Variants in SIK3 observed in about 807,000 individuals in gnomAD.
SIK3 encodes the protein serine/threonine-protein kinase SIK3.
In SIK3, 28 loss-of-function variants were observed where a neutral mutation model predicts 144.2. That is an observed-to-expected ratio of 0.19 (90% confidence interval 0.14 to 0.27). SIK3 has a LOEUF of 0.27. SIK3 is among the 10% of genes least tolerant of loss of function. The pLI is 1.00. For synonymous variants in SIK3, 686 were observed against 676.3 expected, an observed-to-expected ratio of 1.01 and a Z score of -0.22; for missense variants, 1,319 against 1,776.0, an observed-to-expected ratio of 0.74 and a Z score of 4.62.
chr11:116,854,547 G>C (rs969978647), intron 21 of SIK3, among the ~76,000 whole-genome samples: 2 of 152,136 alleles, frequency 1.3e-5, no homozygotes, highest in Non-Finnish European at 1.5e-5. Context: ...CTGAGGACAG[G>C]TTATCCTTTC....
chr11:116,875,446 C>T lies in SIK3; in HGVS notation c.1245G>A (p.Glu415=), dbSNP rs1944200834. 3 of 1,614,138 alleles carry T rather than the reference C, an allele frequency of 1.9e-6. No individual in the cohort carries two copies. The highest frequency in any genetic ancestry group is 8.5e-7 in the Non-Finnish European group (1 of 1,180,010). ...TGATGTTCATAGCAGTACCTGCCTG[C>T]TCCGCCTGGAAAGCAGTACATACAT... ...AFQAPVNIQA[E]QAGTAMNISV... is the part of the protein sequence containing the mutation. Residue 415 remains glutamate (E), a synonymous_variant, in exon 10 of 25, where the codon GAG becomes GAA. Coordinates refer to ENST00000445177, the MANE Select transcript of SIK3 (RefSeq NM_001366686.3).
intron 3 of SIK3, among the ~76,000 whole-genome samples, chr11:116,947,126 T>A (rs1215607949): frequency 1.4e-5 from 2 of 141,238 alleles, no homozygotes; most frequent in South Asian, 2.1e-4. Context: ...AATATATATA[T>A]AATATATAAA....
intron 14 of SIK3, among the ~76,000 whole-genome samples, chr11:116,868,515 C>G (rs1240401317): frequency 6.6e-6 from 1 of 152,210 alleles, no homozygotes; most frequent in African/African-American, 2.4e-5. Flanking sequence ...CAGAAGGACT[C>G]TGTGCATGTC....
chr11:116,890,698 T>C (rs1945053450), intron 6 of SIK3, among the ~76,000 whole-genome samples: 1 of 152,214 alleles, frequency 6.6e-6, no homozygotes, highest in Non-Finnish European at 1.5e-5. Context: ...CTTATTTCTA[T>C]CCAATCTAAT....
At chr11:116,970,533 G>A (rs1223124674) in intron 1 of SIK3, among the ~76,000 whole-genome samples, 1 of 151,878 alleles carries the variant, frequency 6.6e-6, no homozygotes, top group Non-Finnish European at 1.5e-5. Flanking sequence ...ACTTATTTTT[G>A]TAAAGATGAG....
intron 1 of SIK3, among the ~76,000 whole-genome samples, chr11:116,985,993 C>T (rs12274773): frequency 0.072 from 10,987 of 152,242 alleles, 491 homozygotes; most frequent in Middle Eastern, 0.11. Flanking sequence ...TGGGTTTCTA[C>T]TGGGCTGTGG....
At chr11:117,079,372 G>C (rs1954686091) in intron 1 of SIK3, among the ~76,000 whole-genome samples, 1 of 152,194 alleles carries the variant, frequency 6.6e-6, no homozygotes, top group Non-Finnish European at 1.5e-5. Flanking sequence ...GCAATTAATT[G>C]TGTCAGGAGA....
chr11:117,029,660 T>C (rs1952171731), intron 1 of SIK3, among the ~76,000 whole-genome samples: 1 of 152,002 alleles, frequency 6.6e-6, no homozygotes, highest in African/African-American at 2.4e-5. Context: ...AATGTAATGA[T>C]TGACCAGTGG....
rs34155083 is a variant in SIK3, at chr11:116,914,206, A to ATT, written c.616+13011_616+13012dup. Among the ~76,000 whole-genome samples, 160 of 133,980 alleles carry ATT rather than the reference A, an allele frequency of 1.2e-3. 1 individual carries two copies. The highest frequency in any genetic ancestry group is 8.0e-3 in the Middle Eastern group (2 of 250). The allele number at this position is 133,980 out of a possible 152,430, so 87.9% of individuals were successfully genotyped here. ...TGGGAATAAAGTACTCCCCTTCTCA[A>ATT]TTTTTTTTTTTTTTTTTTTTGAGAT... On this transcript the variant is annotated intron_variant, in intron 4 of 24. Transcript: ENST00000445177.
chr11:116,847,319 A>G (rs989730770), intron 23 of SIK3, among the ~76,000 whole-genome samples, 157 bp downstream of exon 23: 3 of 152,180 alleles, frequency 2.0e-5, no homozygotes, highest in Non-Finnish European at 4.4e-5. Context: ...ACACTCAGGG[A>G]AGACCAGTGG....
intron 1 of SIK3, among the ~76,000 whole-genome samples, chr11:117,095,192 TAAAAAAAAAAAA>T (rs3057848): frequency 2.5e-5 from 3 of 122,176 alleles, no homozygotes; most frequent in Non-Finnish European, 5.1e-5. Context: ...CATGTGTGTT[TAAAAAAAAAAAA>T]AAAAAAAAAA....
chr11:116,959,020 A>C (rs1455677419), intron 1 of SIK3, among the ~76,000 whole-genome samples: 1 of 152,182 alleles, frequency 6.6e-6, no homozygotes, highest in Non-Finnish European at 1.5e-5. Flanking sequence ...CATAAATATA[A>C]CAAGCTTAGA....
intron 4 of SIK3, among the ~76,000 whole-genome samples, chr11:116,907,438 G>C (rs1233332052): frequency 1.3e-5 from 2 of 152,210 alleles, no homozygotes; most frequent in Non-Finnish European, 2.9e-5. Flanking sequence ...CTTGAGGTCA[G>C]GAGTTTAAGA....
chr11:116,880,844 C>T (rs1944506086), intron 6 of SIK3, among the ~76,000 whole-genome samples: 1 of 152,170 alleles, frequency 6.6e-6, no homozygotes. Flanking sequence ...TCCCTGTTGG[C>T]CAGGCATGGT....
chr11:117,069,427 C>T (rs998808540), intron 1 of SIK3, among the ~76,000 whole-genome samples: 6 of 152,046 alleles, frequency 3.9e-5, no homozygotes, highest in Admixed American at 1.3e-4. Context: ...TTTTTGTCTG[C>T]AATATGACCA....
At chr11:117,024,207 T>C (rs970332755) in intron 1 of SIK3, among the ~76,000 whole-genome samples, 3 of 152,070 alleles carry the variant, frequency 2.0e-5, no homozygotes, top group Non-Finnish European at 4.4e-5. Context: ...CCATACATGT[T>C]AATAAAAATG....
Position 116,849,373 on chromosome 11 carries a change from T to C in SIK3, c.3656-90A>G, listed in dbSNP as rs2289893. On this transcript the variant is annotated intron_variant, in intron 21 of 24. Coordinates refer to ENST00000445177, the MANE Select transcript of SIK3 (RefSeq NM_001366686.3). This position sits in a 1 kb window ranked among gnomAD's most constrained non-coding sequence, Gnocchi z 4.2. ...CCAAGAAATGTCTTGCAAGGGACAA[T>C]GGGCAAGGCTGAGGAGATCATGTAC... The C allele has an allele frequency of 0.66, 988,898 of 1,501,094 alleles. 332,214 individuals carry two copies. Among genetic ancestry groups the C allele is most frequent in the Non-Finnish European group, 0.7 (767,797 of 1,096,000 alleles). The allele number at this position is 1,501,094 out of a possible 1,614,324, so 93.0% of individuals were successfully genotyped here.
At position 117,021,315 on chromosome 11, in the gene SIK3, C is replaced by T. The variant is rs575024992; in HGVS notation, c.274-64251G>A. Among the ~76,000 whole-genome samples, 123 of 152,288 alleles carry T rather than the reference C, an allele frequency of 8.1e-4. 1 individual carries two copies. Among genetic ancestry groups the T allele is most frequent in the African/African-American group, 2.9e-3 (121 of 41,566 alleles). On this transcript the variant is annotated intron_variant, in intron 1 of 24. Transcript: ENST00000445177. ...ACAAAAGAAAAATGGAATCACAGGT[C>T]AGGTGGGGAAGGAGTGGTGCTTATC...
At chr11:116,865,117 G>A (rs1943560675) in intron 15 of SIK3, 1 of 152,176 alleles carries the variant, frequency 6.6e-6, no homozygotes, top group Non-Finnish European at 1.5e-5. Flanking sequence ...GTGTTGAGAA[G>A]CATTTCCTTA....
Sources: allele counts gnomAD v4.1 joint callset (sites outside exome capture counted in the v4.1 genomes callset), GRCh38; gene constraint gnomAD v4.1.1; non-coding constraint Gnocchi (gnomAD v3.1); transcripts MANE v1.5; gene names NCBI Gene and HGNC (gene_info 2026-07-23, HGNC 2026-07-21).